Variants in DLGAP4 observed in about 807,000 individuals in gnomAD.
DLGAP4 encodes the protein DLG associated protein 4.
DLGAP4 carries 18 observed loss-of-function variants against 86.9 expected under a neutral mutation model. The observed-to-expected ratio is 0.21, with a 90% CI of 0.14 to 0.31. The LOEUF (loss-of-function observed/expected upper bound fraction) is 0.31. Ranked by LOEUF, DLGAP4 falls within the 10% of genes least tolerant of loss-of-function variation. The pLI is 1.00. For missense variants in DLGAP4, 1,085 were observed against 1,362.6 expected, an observed-to-expected ratio of 0.80 and a Z score of 3.21; for synonymous variants, 548 against 574.3, an observed-to-expected ratio of 0.95 and a Z score of 0.65.
chr20:36,382,527 C>CTTT (rs749210064), intron 2 of DLGAP4, among the ~76,000 whole-genome samples: 90 of 110,456 alleles, frequency 8.1e-4, no homozygotes, highest in African/African-American at 2.2e-3. Context: ...TTCTTTTTTT[C>CTTT]TTTTTTTTTT....
intron 10 of DLGAP4, chr20:36,508,834 G>A (rs914391705): frequency 1.3e-5 from 2 of 152,220 alleles, no homozygotes; most frequent in Non-Finnish European, 2.9e-5. Context: ...CACTGGATGG[G>A]AGGAAACACA....
At position 36,496,697 on chromosome 20, in the gene DLGAP4, A is replaced by T. The variant is rs759293966; in HGVS notation, c.1649-8A>T. ...CCTCTCCCCTGCCCTTCTCTCATCC[A>T]TCTGCAGGTTCATCATGCCTAGTGG... On this transcript the variant is annotated splice_region_variant and splice_polypyrimidine_tract_variant and intron_variant, in intron 7 of 12. Coordinates refer to ENST00000339266, the MANE Select transcript of DLGAP4 (RefSeq NM_001365621.2). 6.3e-7 allele frequency: 1 copy of T among 1,595,276 alleles called. No individual in the cohort carries two copies. The highest frequency in any genetic ancestry group is 1.3e-5 in the African/African-American group (1 of 74,588).
intron 2 of DLGAP4, among the ~76,000 whole-genome samples, chr20:36,390,264 T>G (rs1223850741): frequency 6.6e-6 from 1 of 151,892 alleles, no homozygotes; most frequent in African/African-American, 2.4e-5. Context: ...CCACAGCCTG[T>G]TACAGATAAA....
At chr20:36,410,749 G>A (rs1478370335) in intron 2 of DLGAP4, among the ~76,000 whole-genome samples, 4 of 152,046 alleles carry the variant, frequency 2.6e-5, no homozygotes, top group Non-Finnish European at 2.9e-5. Flanking sequence ...CTTGAGGGAC[G>A]TGCCCCCATG....
chr20:36,512,387 G>A (rs1569524061), intron 10 of DLGAP4, among the ~76,000 whole-genome samples: 1 of 152,018 alleles, frequency 6.6e-6, no homozygotes, highest in Non-Finnish European at 1.5e-5. Flanking sequence ...TTGTCCAACT[G>A]TATGGCAAGG....
chr20:36,427,937 C>T (rs1913108810), intron 2 of DLGAP4, among the ~76,000 whole-genome samples: 1 of 151,882 alleles, frequency 6.6e-6, no homozygotes, highest in Non-Finnish European at 1.5e-5. Context: ...GAGCAAGACT[C>T]CGTGTCAAAA....
chr20:36,351,789 C>T (rs2030162989), intron 1 of DLGAP4, among the ~76,000 whole-genome samples: 2 of 151,994 alleles, frequency 1.3e-5, no homozygotes, highest in Non-Finnish European at 2.9e-5. Context: ...ATGGATATTT[C>T]CTAAGCAATT....
At chr20:36,471,934 G>A (rs891607063) in intron 7 of DLGAP4, among the ~76,000 whole-genome samples, 7 of 152,162 alleles carry the variant, frequency 4.6e-5, no homozygotes, top group African/African-American at 1.7e-4. Flanking sequence ...AGGGGCTCCC[G>A]GAATTTGCTC....
chr20:36,438,113 C>CT (rs1405741353), intron 4 of DLGAP4, among the ~76,000 whole-genome samples: 1 of 152,116 alleles, frequency 6.6e-6, no homozygotes, highest in African/African-American at 2.4e-5. Flanking sequence ...GTGGCTCACG[C>CT]TTGTAATCCC....
chr20:36,389,627 TA>T (rs940061041), intron 2 of DLGAP4, among the ~76,000 whole-genome samples: 1 of 151,800 alleles, frequency 6.6e-6, no homozygotes, highest in Non-Finnish European at 1.5e-5. Flanking sequence ...TCTCTCTTTT[TA>T]AAAAAAATTA....
chr20:36,333,370 C>T (rs1403599232), intron 1 of DLGAP4, among the ~76,000 whole-genome samples: 4 of 152,114 alleles, frequency 2.6e-5, no homozygotes, highest in Admixed American at 2.6e-4. Context: ...GAGCACCTCA[C>T]TCCGTTCCAG....
chr20:36,328,791 T>TC (rs1320762651), intron 1 of DLGAP4, among the ~76,000 whole-genome samples: 4 of 151,296 alleles, frequency 2.6e-5, no homozygotes, highest in Admixed American at 6.6e-5. Flanking sequence ...TTTTTTTTTT[T>TC]CTTAAGACGG....
In DLGAP4 at chr20:36,511,634, G is replaced by A. The variant is rs554003111; in HGVS notation, c.2512+11023G>A. On this transcript the variant is annotated intron_variant, in intron 10 of 12. Transcript: ENST00000339266. ...TCACTCCTATAATCCCAGCACTTTG[G>A]AAGGCCGAGGTAGGCAGATCATTTG... 2.0e-5 allele frequency among the ~76,000 whole-genome samples: 3 copies of A among 152,138 alleles called. No individual in the cohort carries two copies. The South Asian group carries it at 6.2e-4, about 32-fold the overall frequency.
intron 8 of DLGAP4, chr20:36,497,482 C>T (rs1013437343): frequency 5.9e-6 from 6 of 1,021,470 alleles, no homozygotes; most frequent in South Asian, 3.9e-5. Context: ...CCCCGCTTGG[C>T]GGCAGGAGCA....
At chr20:36,511,637 G>A (rs951175822) in intron 10 of DLGAP4, among the ~76,000 whole-genome samples, 6 of 152,080 alleles carry the variant, frequency 3.9e-5, no homozygotes, top group African/African-American at 1.4e-4. Context: ...CACTTTGGAA[G>A]GCCGAGGTAG....
At chr20:36,496,577 T>G in intron 7 of DLGAP4, 128 bp from the exon 8 acceptor site, 1 of 1,418,934 alleles carries the variant, frequency 7.0e-7, no homozygotes, top group East Asian at 2.4e-5. Flanking sequence ...CAGAAATCCT[T>G]GCGGACGGAA....
chr20:36,477,343 C>T (rs901828636), intron 7 of DLGAP4, among the ~76,000 whole-genome samples: 4 of 152,140 alleles, frequency 2.6e-5, no homozygotes, highest in African/African-American at 9.7e-5. Flanking sequence ...GATCCACCCG[C>T]CTCTGCCTCC....
intron 7 of DLGAP4, among the ~76,000 whole-genome samples, chr20:36,456,400 T>A (rs1438752653): frequency 1.3e-5 from 2 of 152,134 alleles, no homozygotes; most frequent in Non-Finnish European, 2.9e-5. Flanking sequence ...GGAAGTCCTC[T>A]AGCAACATGG....
chr20:36,473,953 G>C (rs1733823511), intron 7 of DLGAP4, among the ~76,000 whole-genome samples: 1 of 152,240 alleles, frequency 6.6e-6, no homozygotes, highest in Non-Finnish European at 1.5e-5. Flanking sequence ...TGGGCTGCCA[G>C]CTAGAGCTGT....
Sources: allele counts gnomAD v4.1 joint callset (sites outside exome capture counted in the v4.1 genomes callset), GRCh38; gene constraint gnomAD v4.1.1; transcripts MANE v1.5; gene names NCBI Gene and HGNC (gene_info 2026-07-23, HGNC 2026-07-21).